Variants in ZHX2 observed in about 807,000 individuals in gnomAD.
ZHX2 encodes the protein zinc fingers and homeoboxes 2.
ZHX2 carries 6 observed loss-of-function variants against 21.9 expected under a neutral mutation model. That is an observed-to-expected ratio of 0.27 (90% CI 0.15 to 0.54). The LOEUF is 0.54. ZHX2 is among the 20% of genes least tolerant of loss of function. ZHX2 has a pLI of 0.95. For synonymous variants in ZHX2, 434 were observed against 437.1 expected (o/e 0.99, Z 0.09); for missense variants, 908 against 1,090.7 (o/e 0.83, Z 2.36).
intron 3 of ZHX2, among the ~76,000 whole-genome samples, chr8:122,956,176 C>A (rs1813295728): frequency 1.3e-5 from 2 of 152,138 alleles, no homozygotes; most frequent in African/African-American, 4.8e-5. Context: ...TTTTCCCATC[C>A]ATGACACGTG....
intron 2 of ZHX2, among the ~76,000 whole-genome samples, chr8:122,921,648 AAGAGAGAGAG>A (rs376224475): frequency 6.7e-6 from 1 of 149,324 alleles, no homozygotes; most frequent in Non-Finnish European, 1.5e-5. Context: ...CCCATCAAGA[AAGAGAGAGAG>A]AGAGAGAGAA....
chr8:122,788,582 A>T (rs899951022), intron 1 of ZHX2, among the ~76,000 whole-genome samples: 1 of 152,144 alleles, frequency 6.6e-6, no homozygotes, highest in African/African-American at 2.4e-5. Flanking sequence ...AATAAAAAAT[A>T]AAAAAAGATA....
chr8:122,798,261 A>C (rs1441305097), intron 1 of ZHX2, among the ~76,000 whole-genome samples: 1 of 152,236 alleles, frequency 6.6e-6, no homozygotes, highest in Non-Finnish European at 1.5e-5. Context: ...TCTTGCAGGA[A>C]ATATTCGAGC....
In ZHX2 at chr8:122,884,282, C is replaced by T. The variant is rs150568290; in HGVS notation, c.-220+20743C>T. Among the ~76,000 whole-genome samples, 507 of 152,332 alleles carry T rather than the reference C, an allele frequency of 3.3e-3. 8 individuals are homozygous for T. The highest frequency in any genetic ancestry group is 0.012 in the African/African-American group (486 of 41,576). On this transcript the variant is annotated intron_variant, in intron 2 of 3. Coordinates refer to ENST00000314393, the MANE Select transcript of ZHX2 (RefSeq NM_014943.5). ...GCATGACTGTTTTCCTATATGGCTC[C>T]GTTCAGTCGGATAAAGTTTTCTGTG... is the stretch of plus-strand genomic sequence containing the variant.
chr8:122,843,890 C>G (rs74347379), intron 1 of ZHX2, among the ~76,000 whole-genome samples: 1 of 151,648 alleles, frequency 6.6e-6, no homozygotes, highest in African/African-American at 2.4e-5. Context: ...GTATAAAACA[C>G]AGTAATTAGA....
chr8:122,813,013 T>A lies in ZHX2; in HGVS notation c.-283+31067T>A, dbSNP rs551901430. On this transcript the variant is annotated intron_variant, in intron 1 of 3. Coordinates refer to ENST00000314393, the MANE Select transcript of ZHX2 (RefSeq NM_014943.5). Reference sequence around the variant, plus strand: ...GAGTTCATGACCAGCCTGACCAACATGGAGAAACCCCATCTCTACTAAAAA... The same window carrying A: ...GAGTTCATGACCAGCCTGACCAACAAGGAGAAACCCCATCTCTACTAAAAA... Among the ~76,000 whole-genome samples, 18 of 152,172 alleles carry A rather than the reference T, an allele frequency of 1.2e-4. No homozygotes were observed. In the East Asian group the frequency reaches 3.3e-3, roughly 28 times the overall value.
chr8:122,932,775 C>T (rs1259154595), intron 2 of ZHX2, among the ~76,000 whole-genome samples: 2 of 152,120 alleles, frequency 1.3e-5, no homozygotes, highest in African/African-American at 4.8e-5. Flanking sequence ...ATCCCTTTGC[C>T]GTACAAAGTA....
chr8:122,855,238 T>C (rs1818999057), intron 1 of ZHX2, among the ~76,000 whole-genome samples: 1 of 152,218 alleles, frequency 6.6e-6, no homozygotes, highest in Non-Finnish European at 1.5e-5. Flanking sequence ...GTAAATGACG[T>C]GTTTAATAGA....
chr8:122,951,207 TG>T (rs1327785162), intron 2 of ZHX2, 84 bp from the exon 3 acceptor site: 2 of 317,082 alleles, frequency 6.3e-6, no homozygotes, highest in East Asian at 1.3e-4. Context: ...CCTGTTGGGC[TG>T]GGTCATGGGA....
At chr8:122,911,067 T>C (rs1245070442) in intron 2 of ZHX2, among the ~76,000 whole-genome samples, 1 of 152,188 alleles carries the variant, frequency 6.6e-6, no homozygotes, top group Admixed American at 6.5e-5. Flanking sequence ...TGAAAGCAAG[T>C]ATGACTTTGT....
Position 122,954,866 on chromosome 8 carries a change from T to C in ZHX2, c.*4+838T>C, listed in dbSNP as rs1279901930. Among the ~76,000 whole-genome samples the C allele has an allele frequency of 2.6e-5, 4 of 152,116 alleles. No individual in the cohort carries two copies. The East Asian group carries it at 7.7e-4, about 29-fold the overall frequency. ...GTTTCTTTTTTTTTTTCCCCCCTTT[T>C]CTTTTTGGATTTTTTAAGAATACAT... On this transcript the variant is annotated intron_variant, in intron 3 of 3. Transcript: ENST00000314393.
At position 122,828,019 on chromosome 8, in the gene ZHX2, T is replaced by A. The variant is rs1308998658; in HGVS notation, c.-282-35458T>A. 6.6e-6 allele frequency among the ~76,000 whole-genome samples: 1 copy of A among 152,080 alleles called. No homozygotes were observed. Among genetic ancestry groups the A allele is most frequent in the South Asian group, 2.1e-4 (1 of 4,816 alleles). The stretch of plus-strand genomic sequence containing the variant: ...GTCCCAGCTACTCGGGAGGCTGAGA[T>A]GGGAGGATCACTTGAGCCCAGAAGG... On this transcript the variant is annotated intron_variant, in intron 1 of 3. Transcript: ENST00000314393. This position sits in a 1 kb window ranked among gnomAD's most constrained non-coding sequence, Gnocchi z 5.2.
intron 1 of ZHX2, among the ~76,000 whole-genome samples, chr8:122,859,915 A>T (rs888623793): frequency 2.0e-5 from 3 of 152,242 alleles, no homozygotes; most frequent in African/African-American, 7.2e-5. Context: ...ATTTAATATT[A>T]ACATGTTCAA....
chr8:122,898,535 C>A (rs941449554), intron 2 of ZHX2, among the ~76,000 whole-genome samples: 1 of 152,180 alleles, frequency 6.6e-6, no homozygotes, highest in East Asian at 1.9e-4. Flanking sequence ...CCTAGTTCCC[C>A]CACTTCTAAT....
intron 2 of ZHX2, among the ~76,000 whole-genome samples, chr8:122,920,520 A>G (rs944745250): frequency 6.6e-6 from 1 of 152,160 alleles, no homozygotes; most frequent in Non-Finnish European, 1.5e-5. Flanking sequence ...CCAAAAACTC[A>G]ACGCCCACCT....
At position 122,952,805 on chromosome 8, in the gene ZHX2, A is replaced by G; in HGVS notation, c.1295A>G (p.Lys432Arg). ...HIAQVPEPPP[K>R]VANPPLTPAS... ...GCTCAGGTGCCAGAGCCCCCACCCA[A>G]GGTGGCCAACCCCCCGCTCACACCA... Residue 432 changes from lysine (K) to arginine (R), a missense_variant, in exon 3 of 4, where the codon AAG (lysine) becomes AGG (arginine). By Grantham distance (26) the Lys-to-Arg change is conservative. Transcript: ENST00000314393. The surrounding 1 kb of genome is among the most constrained non-coding windows in gnomAD (Gnocchi z 6.9). 2.5e-6 allele frequency: 4 copies of G among 1,614,092 alleles called. No individual in the cohort carries two copies. The South Asian group carries it at 3.3e-5, about 13-fold the overall frequency.
intron 1 of ZHX2, among the ~76,000 whole-genome samples, chr8:122,817,781 G>A (rs540981433): frequency 6.6e-6 from 1 of 152,330 alleles, no homozygotes; most frequent in South Asian, 2.1e-4. Flanking sequence ...GAGCCAGCTG[G>A]AGGCTAGATG....
chr8:122,833,341 C>T (rs1344482701), intron 1 of ZHX2, among the ~76,000 whole-genome samples: 1 of 151,822 alleles, frequency 6.6e-6, no homozygotes, highest in African/African-American at 2.4e-5. Context: ...GCGGAGTAGG[C>T]GACTGGTGAG....
rs7832637 is a variant in ZHX2, at chr8:122,862,147, C to T, written c.-282-1330C>T. ...GAGTGCTCTGCCCGATACCCGAGGC[C>T]ACCACTCACTTCCAGGACTCCAGTC... is the stretch of plus-strand genomic sequence containing the variant. On this transcript the variant is annotated intron_variant, in intron 1 of 3. Transcript: ENST00000314393. Among the ~76,000 whole-genome samples, 1,386 of 152,252 alleles carry T rather than the reference C, an allele frequency of 9.1e-3. 25 individuals are homozygous for T. The highest frequency in any genetic ancestry group is 0.031 in the African/African-American group (1,301 of 41,530).
Sources: allele counts gnomAD v4.1 joint callset (sites outside exome capture counted in the v4.1 genomes callset), GRCh38; gene constraint gnomAD v4.1.1; non-coding constraint Gnocchi (gnomAD v3.1); transcripts MANE v1.5; gene names NCBI Gene and HGNC (gene_info 2026-07-23, HGNC 2026-07-21).